Variants in KLHL22 observed in about 807,000 individuals in gnomAD.
KLHL22 encodes kelch like family member 22.
A neutral mutation model predicts 60.7 loss-of-function variants in KLHL22; 18 were observed. The ratio of observed to expected loss-of-function variants is 0.30; its 90% confidence interval spans 0.20 to 0.44. The LOEUF (loss-of-function observed/expected upper bound fraction) is 0.44. KLHL22 is among the 20% of genes least tolerant of loss of function. The pLI, the probability that KLHL22 is intolerant of heterozygous loss-of-function variation, is 1.00. For synonymous variants in KLHL22, 355 were observed against 354.5 expected, an observed-to-expected ratio of 1.00 and a Z score of -0.01; for missense variants, 596 against 852.3, an observed-to-expected ratio of 0.70 and a Z score of 3.74.
chr22:20,490,354 C>T (rs1286793293), intron 1 of KLHL22, among the ~76,000 whole-genome samples: 4 of 152,176 alleles, frequency 2.6e-5, no homozygotes, highest in Non-Finnish European at 5.9e-5. Context: ...GTGGTAGAGA[C>T]TACTACACAT....
chr22:20,480,836 T>TC (rs1290185791), intron 2 of KLHL22, among the ~76,000 whole-genome samples: 1 of 147,534 alleles, frequency 6.8e-6, no homozygotes, highest in African/African-American at 2.5e-5. Context: ...ACTTTTTTTT[T>TC]TTTTTTTTTT....
At chr22:20,488,683 G>GGAGGGGAGGGGAGGGGAGAGGAGGT in intron 2 of KLHL22, 2 of 452,388 alleles carry the variant, frequency 4.4e-6, no homozygotes, top group East Asian at 4.4e-5. Flanking sequence ...GAATGGTAAG[G>GGAGGGGAGGGGAGGGGAGAGGAGGT]GAGGGGAGGA....
At position 20,486,061 on chromosome 22, in the gene KLHL22, G is replaced by A. The variant is rs1190022875; in HGVS notation, c.227+2924C>T. Among the ~76,000 whole-genome samples the A allele has an allele frequency of 4.1e-5, 6 of 147,450 alleles. No individual in the cohort carries two copies. The South Asian group carries it at 6.5e-4, about 16-fold the overall frequency. ...CGCACACCTGTAGTCCCAGCTACTC[G>A]AGAGGCTGAGGCAGGAGAATTGCTT... On this transcript the variant is annotated intron_variant, in intron 2 of 6. Coordinates refer to ENST00000328879, the MANE Select transcript of KLHL22 (RefSeq NM_032775.4).
At chr22:20,489,644 T>C in intron 1 of KLHL22, 1 of 466,992 alleles carries the variant, frequency 2.1e-6, no homozygotes, top group South Asian at 1.6e-5. Flanking sequence ...TATTCTAAAA[T>C]TGGTAAAACA....
chr22:20,487,327 C>A (rs2053602496), intron 2 of KLHL22, among the ~76,000 whole-genome samples: 1 of 151,830 alleles, frequency 6.6e-6, no homozygotes, highest in African/African-American at 2.4e-5. Context: ...AAGCAACTCT[C>A]CTGCCTCAGC....
intron 4 of KLHL22, among the ~76,000 whole-genome samples, chr22:20,462,432 G>C (rs547946801): frequency 6.6e-6 from 1 of 151,798 alleles, no homozygotes; most frequent in Non-Finnish European, 1.5e-5. Context: ...ATAGTTCACC[G>C]AAGTCTAAAA....
At chr22:20,479,365 G>A (rs980090857) in intron 2 of KLHL22, among the ~76,000 whole-genome samples, 2 of 152,058 alleles carry the variant, frequency 1.3e-5, no homozygotes, top group African/African-American at 2.4e-5. Context: ...CCATTAGGAT[G>A]ACCACTATAA....
Position 20,451,648 on chromosome 22 carries a change from T to C in KLHL22, c.1306-4972A>G, listed in dbSNP as rs928285683. 9 of 1,606,050 alleles carry C rather than the reference T, an allele frequency of 5.6e-6. No homozygotes were observed. The Admixed American group carries it at 1.3e-4, about 24-fold the overall frequency. Reference sequence around the variant, plus strand: ...TGCCACCAGTATGACCACTCCACGATGCTATGTAGGGGCCACAGTGCTTCG... The same window carrying C: ...TGCCACCAGTATGACCACTCCACGACGCTATGTAGGGGCCACAGTGCTTCG... On this transcript the variant is annotated intron_variant, in intron 5 of 6. Coordinates refer to ENST00000328879, the MANE Select transcript of KLHL22 (RefSeq NM_032775.4).
intron 2 of KLHL22, chr22:20,483,981 G>T: frequency 1.4e-6 from 1 of 700,442 alleles, no homozygotes. Context: ...CCAGGAACCA[G>T]AGCCCTCGGT....
At chr22:20,444,596 C>T (rs2052824691) in intron 6 of KLHL22, among the ~76,000 whole-genome samples, 1 of 152,108 alleles carries the variant, frequency 6.6e-6, no homozygotes, top group Non-Finnish European at 1.5e-5. Flanking sequence ...AGAACTGTTG[C>T]ATGAACCTAA....
chr22:20,453,554 G>A (rs2053013591), intron 5 of KLHL22, among the ~76,000 whole-genome samples: 1 of 152,044 alleles, frequency 6.6e-6, no homozygotes, highest in African/African-American at 2.4e-5. Flanking sequence ...GATTACTGTA[G>A]CTATGTAGTA....
chr22:20,473,165 A>C (rs2053355611), intron 2 of KLHL22, among the ~76,000 whole-genome samples: 1 of 152,210 alleles, frequency 6.6e-6, no homozygotes, highest in African/African-American at 2.4e-5. Flanking sequence ...TGGAAGACCA[A>C]TTAGGCCTGA....
At chr22:20,443,299 GC>G (rs1320119048) in intron 6 of KLHL22, among the ~76,000 whole-genome samples, 7 of 152,030 alleles carry the variant, frequency 4.6e-5, no homozygotes, top group Non-Finnish European at 1.0e-4. Context: ...TCCAGAATAT[GC>G]TACCTTAAGC....
intron 2 of KLHL22, among the ~76,000 whole-genome samples, chr22:20,480,322 GTTAT>G (rs941965570): frequency 2.0e-5 from 3 of 152,220 alleles, no homozygotes; most frequent in African/African-American, 7.2e-5. Context: ...GATGGTAAGT[GTTAT>G]TTGTGTTTAT....
At chr22:20,475,859 G>T (rs1039305391) in intron 2 of KLHL22, among the ~76,000 whole-genome samples, 1 of 152,172 alleles carries the variant, frequency 6.6e-6, no homozygotes, top group Non-Finnish European at 1.5e-5. Context: ...ACCGCACCCA[G>T]CCCCTTCCTC....
At chr22:20,454,871 T>G (rs2146191903) in intron 5 of KLHL22, among the ~76,000 whole-genome samples, 1 of 152,190 alleles carries the variant, frequency 6.6e-6, no homozygotes, top group Middle Eastern at 3.4e-3. Context: ...CCTGTGAGGT[T>G]TTTTGTTTGT....
Position 20,489,081 on chromosome 22 carries a change from C to T in KLHL22, c.131G>A (p.Arg44Gln), listed in dbSNP as rs1407954377. 6 of 1,614,060 alleles carry T rather than the reference C, an allele frequency of 3.7e-6. No homozygotes were observed. The highest frequency in any genetic ancestry group is 4.2e-6 in the Non-Finnish European group (5 of 1,180,028). Residue 44 changes from arginine (R) to glutamine (Q), a missense_variant, in exon 2 of 7, where the codon CGG becomes CAG. Coordinates refer to ENST00000328879, the MANE Select transcript of KLHL22 (RefSeq NM_032775.4). ...AACATCGAAGAGGATTCCGCTGTCC[C>T]GGAGAGCCAGCAGCCCTCGGAGCAG... ...QALLRGLLAL[R>Q]DSGILFDVVL...
chr22:20,458,569 A>G (rs1052534725), intron 4 of KLHL22, among the ~76,000 whole-genome samples: 3 of 147,552 alleles, frequency 2.0e-5, no homozygotes, highest in African/African-American at 7.6e-5. Context: ...CACTTACCTC[A>G]TCTCATCATC....
At position 20,442,303 on chromosome 22, in the gene KLHL22, G is replaced by A. The variant is rs1284892370; in HGVS notation, c.1675C>T (p.Arg559Cys). 2.5e-6 allele frequency: 4 copies of A among 1,613,844 alleles called. No individual in the cohort carries two copies. Among genetic ancestry groups the A allele is most frequent in the Admixed American group, 1.7e-5 (1 of 60,002 alleles). ...TCGTAAATGTGCACGTAGCCTGTGC[G>A]GCTGCCGCGGTTGTGTGAGCGGCCA... ...LGGRSHNRGSRTGYVHIYDVE... is the reference protein window; with the variant it reads ...LGGRSHNRGSCTGYVHIYDVE... Residue 559 changes from arginine to cysteine, a missense_variant, in exon 7 of 7, where the codon CGC (arginine) becomes TGC (cysteine). Transcript: ENST00000328879.
Sources: gnomAD v4.1 joint callset for allele counts (sites outside exome capture counted in the v4.1 genomes callset) on GRCh38, gnomAD v4.1.1 for gene constraint, MANE v1.5 for transcripts, NCBI Gene and HGNC (gene_info 2026-07-23, HGNC 2026-07-21) for gene names.